The following BCR variants were observed in gnomAD, a reference collection of about 807,000 sequenced individuals.
BCR encodes the protein BCR activator of RhoGEF and GTPase, also known as breakpoint cluster region protein.
A neutral mutation model predicts 138.6 loss-of-function variants in BCR; 58 were observed. The observed-to-expected ratio is 0.42, with a 90% CI of 0.34 to 0.52. The LOEUF is 0.52. BCR is among the 20% of genes least tolerant of loss of function. BCR has a pLI of 0.06. For missense variants in BCR, 1,599 were observed against 1,727.2 expected (o/e 0.93, Z 1.32); for synonymous variants, 786 against 730.1 (o/e 1.08, Z -1.23).
chr22:23,217,066 C>A (rs1421636619), intron 1 of BCR: 1 of 448,796 alleles, frequency 2.2e-6, no homozygotes, highest in South Asian at 1.6e-5. Context: ...AGGCATGATT[C>A]TCAGGGGCTC....
intron 1 of BCR, among the ~76,000 whole-genome samples, chr22:23,230,821 C>G (rs530059602): frequency 6.6e-6 from 1 of 152,188 alleles, no homozygotes; most frequent in Non-Finnish European, 1.5e-5. Context: ...CACTTGCCAC[C>G]AGCCTGCTCC....
At chr22:23,252,484 G>A (rs2073242369) in intron 1 of BCR, among the ~76,000 whole-genome samples, 1 of 139,124 alleles carries the variant, frequency 7.2e-6, no homozygotes, top group East Asian at 2.2e-4. Flanking sequence ...AGGCTGGAGT[G>A]CAGTGGTGCA....
intron 16 of BCR, among the ~76,000 whole-genome samples, chr22:23,299,779 G>C (rs1450587900): frequency 6.6e-6 from 1 of 151,696 alleles, no homozygotes; most frequent in African/African-American, 2.4e-5. Flanking sequence ...GCTGAGCCAG[G>C]CACCTGCCCT....
chr22:23,281,732 G>A (rs546166295), intron 8 of BCR, among the ~76,000 whole-genome samples: 16 of 152,194 alleles, frequency 1.1e-4, no homozygotes, highest in South Asian at 4.1e-4. Context: ...AGAAACCGCC[G>A]AGTCCACTGT....
intron 15 of BCR, 51 bp downstream of exon 15, chr22:23,292,689 A>G (rs1304550809): frequency 1.3e-6 from 2 of 1,481,526 alleles, no homozygotes; most frequent in East Asian, 4.6e-5. Context: ...GGCACAGGAT[A>G]TTTTCCACTG....
intron 1 of BCR, among the ~76,000 whole-genome samples, chr22:23,252,278 A>G (rs1489441625): frequency 1.3e-5 from 2 of 151,966 alleles, no homozygotes; most frequent in Admixed American, 1.3e-4. Flanking sequence ...CTCGCTGCTC[A>G]TGGTGGACAG....
chr22:23,312,893 A>G lies in BCR; in HGVS notation c.3329A>G (p.Lys1110Arg), dbSNP rs755535675. ...ALKAAFDVNN[K>R]DVSVMMSEMD... ...ATTTCCGTGCTCTTTCCAGATAACA[A>G]GGACGTGTCGGTGATGATGAGCGAG... Residue 1110 changes from lysine (K) to arginine (R), a missense_variant, in exon 20 of 23, where the codon AAG (lysine) becomes AGG (arginine). Transcript: ENST00000305877. 61 of 1,596,160 alleles carry G rather than the reference A, an allele frequency of 3.8e-5. No individual in the cohort carries two copies. Among genetic ancestry groups the G allele is most frequent in the Admixed American group, 6.7e-5 (4 of 59,976 alleles).
chr22:23,263,921 G>A, intron 4 of BCR: 1 of 930,802 alleles, frequency 1.1e-6, no homozygotes, highest in East Asian at 2.4e-5. Flanking sequence ...CTTGTTGTGG[G>A]CACTTCTCAC....
chr22:23,278,409 A>C (rs1184141132), intron 8 of BCR, among the ~76,000 whole-genome samples: 1 of 152,190 alleles, frequency 6.6e-6, no homozygotes, highest in Non-Finnish European at 1.5e-5. Context: ...AGGAGAACCA[A>C]GGTCTTTCAG....
chr22:23,299,921 C>T lies in BCR; in HGVS notation c.3012+4766C>T, dbSNP rs185388544. On this transcript the variant is annotated intron_variant, in intron 16 of 22. Coordinates refer to ENST00000305877, the MANE Select transcript of BCR (RefSeq NM_004327.4). ...TTCATGGTGAGGGGGTCGGGGAGTT[C>T]AGAGTTTGGACTCCCACGTGCATCC... 4.2e-3 allele frequency among the ~76,000 whole-genome samples: 642 copies of T among 152,218 alleles called. 2 individuals are homozygous for T. The highest frequency in any genetic ancestry group is 0.015 in the African/African-American group (613 of 41,546).
Position 23,261,302 on chromosome 22 carries a change from T to C in BCR, c.1567-53T>C, listed in dbSNP as rs555878665. ...ACTGTCTACTGCCATACAATGCACC[T>C]GACGGATGGCAGCCCCTCTCACCTG... is the stretch of plus-strand genomic sequence containing the variant. On this transcript the variant is annotated intron_variant, in intron 3 of 22. Transcript: ENST00000305877. 47 of 1,557,250 alleles carry C rather than the reference T, an allele frequency of 3.0e-5. No homozygotes were observed. The East Asian group carries it at 1.0e-3, about 34-fold the overall frequency.
At chr22:23,305,957 T>C (rs2073950883) in intron 16 of BCR, among the ~76,000 whole-genome samples, 1 of 152,222 alleles carries the variant, frequency 6.6e-6, no homozygotes, top group Non-Finnish European at 1.5e-5. Flanking sequence ...TGTTTACTTC[T>C]CTGGTGCTTT....
chr22:23,209,635 C>T (rs146051275), intron 1 of BCR, among the ~76,000 whole-genome samples: 21 of 152,142 alleles, frequency 1.4e-4, no homozygotes, highest in Middle Eastern at 3.4e-3. Flanking sequence ...CCTCCCCTGC[C>T]TCCCGGGTTC....
intron 1 of BCR, among the ~76,000 whole-genome samples, chr22:23,247,161 G>A (rs2073166646): frequency 2.0e-5 from 3 of 152,192 alleles, no homozygotes. Context: ...CCTAGGACCT[G>A]GGAGAAGATG....
At chr22:23,279,273 G>C (rs1331215557) in intron 8 of BCR, among the ~76,000 whole-genome samples, 1 of 152,208 alleles carries the variant, frequency 6.6e-6, no homozygotes, top group African/African-American at 2.4e-5. Flanking sequence ...GGCCAGATTG[G>C]CCATGGGAGG....
intron 16 of BCR, among the ~76,000 whole-genome samples, chr22:23,301,760 C>A (rs2073904478): frequency 1.3e-5 from 2 of 152,140 alleles, no homozygotes; most frequent in South Asian, 2.1e-4. Flanking sequence ...TTCTTGGGGA[C>A]CCCCCCGCCA....
intron 1 of BCR, among the ~76,000 whole-genome samples, chr22:23,210,810 A>G (rs1338319982): frequency 1.1e-4 from 17 of 152,218 alleles, no homozygotes. Context: ...TGTGTGTACC[A>G]ATAGGGCATT....
intron 1 of BCR, among the ~76,000 whole-genome samples, chr22:23,231,505 T>C (rs2072957847): frequency 4.1e-5 from 1 of 24,380 alleles, no homozygotes; most frequent in East Asian, 1.8e-3. Flanking sequence ...AGACCCCGTC[T>C]CATAAAATAA....
intron 1 of BCR, among the ~76,000 whole-genome samples, chr22:23,217,342 C>T (rs2072766889): frequency 6.6e-6 from 1 of 152,360 alleles, no homozygotes; most frequent in Non-Finnish European, 1.5e-5. Context: ...AGTGCAGAAC[C>T]TCTGCAGCCT....
Sources: allele counts gnomAD v4.1 joint callset (sites outside exome capture counted in the v4.1 genomes callset), GRCh38; gene constraint gnomAD v4.1.1; transcripts MANE v1.5; gene names NCBI Gene and HGNC (gene_info 2026-07-23, HGNC 2026-07-21).